Variants in HELZ2 observed in about 807,000 individuals in gnomAD.
The protein encoded by HELZ2 is 3'-5' exoribonuclease HELZ2.
Under a neutral mutation model 208.8 loss-of-function variants are expected in HELZ2, and 143 were observed. That is an observed-to-expected ratio of 0.68 (90% CI 0.60 to 0.79). The LOEUF (loss-of-function observed/expected upper bound fraction) is 0.79, where lower values mean the gene tolerates loss of function less well. HELZ2 is among the 30% of genes least tolerant of loss of function. HELZ2 has a pLI of 0.00. For missense variants in HELZ2, 3,690 were observed against 3,794.5 expected, an observed-to-expected ratio of 0.97 and a Z score of 0.72; for synonymous variants, 1,705 against 1,693.7, an observed-to-expected ratio of 1.01 and a Z score of -0.16.
At chr20:63,568,632 C>A in exon 5 of HELZ2, 1 of 1,603,002 alleles carries the variant, frequency 6.2e-7, no homozygotes, top group Non-Finnish European at 8.5e-7. Context: ...GGCAGTGTGT[C>A]CACTGCCTGG....
chr20:63,570,939 C>T, intron 1 of HELZ2, 71 bp from the exon 3 acceptor site: 1 of 1,299,334 alleles, frequency 7.7e-7, no homozygotes, highest in Non-Finnish European at 1.1e-6. Context: ...GGCCGGGACC[C>T]CTCAGCCCAA....
chr20:63,569,981 C>T (rs2083001646), intron 3 of HELZ2: 1 of 493,768 alleles, frequency 2.0e-6, no homozygotes, highest in Non-Finnish European at 3.7e-6. Context: ...CGGAGTTTCA[C>T]TCTTGTCGCC....
downstream of HELZ2, chr20:63,558,573 C>T (rs2082840015): frequency 6.6e-6 from 1 of 152,230 alleles, no homozygotes; most frequent in South Asian, 2.1e-4. Flanking sequence ...GGGTCTCGCT[C>T]TGTCACCCAG....
chr20:63,559,388 A>G lies in HELZ2; in HGVS notation c.7826-18T>C, dbSNP rs776411184. Reference sequence around the variant, plus strand: ...GTGGTCTCCTGTGAGGGTGGGAGTCAGATGGGAGTCAGTCAGGGTCAGGTG... The same window carrying G: ...GTGGTCTCCTGTGAGGGTGGGAGTCGGATGGGAGTCAGTCAGGGTCAGGTG... On this transcript the variant is annotated intron_variant, in intron 18 of 18. Coordinates refer to ENST00000467148, the Ensembl canonical transcript of HELZ2. 5.7e-6 allele frequency: 9 copies of G among 1,578,120 alleles called. No homozygotes were observed. In the South Asian group the frequency reaches 1.0e-4, roughly 18 times the overall value.
chr20:63,563,715 T>C (rs983221112), exon 8 of HELZ2: 18 of 1,593,698 alleles, frequency 1.1e-5, no homozygotes, highest in African/African-American at 5.4e-5. Context: ...AGCCCATCGA[T>C]GTCCCTGGCA....
chr20:63,560,212 C>A (rs746894509), exon 17 of HELZ2: 1 of 1,554,800 alleles, frequency 6.4e-7, no homozygotes, highest in Non-Finnish European at 8.7e-7. Context: ...CCCGGCGATG[C>A]CCTCTCGCCG....
At chr20:63,560,674 G>T in exon 16 of HELZ2, 1 of 1,609,166 alleles carries the variant, frequency 6.2e-7, no homozygotes. Context: ...ACGCCACAGA[G>T]GGGAAGGCAC....
At chr20:63,573,501 G>T, upstream of HELZ2, among the ~76,000 whole-genome samples, 1 of 152,114 alleles carries the variant, frequency 6.6e-6, no homozygotes, top group East Asian at 1.9e-4. This position sits in a 1 kb window ranked among gnomAD's most constrained non-coding sequence, Gnocchi z 4.9. Flanking sequence ...CCTAGAAGGA[G>T]CCAAGGTGAC....
Position 63,570,485 on chromosome 20 carries a change from G to A in HELZ2, c.570+19C>T, listed in dbSNP as rs768843788. On this transcript the variant is annotated intron_variant, in intron 3 of 18. Transcript: ENST00000467148. ...TCCCCAGGGCTCCCTCCGCCCAGTC[G>A]GAGCTGTTCTCCGCTCACCTCAGAG... 23 of 1,597,824 alleles carry A rather than the reference G, an allele frequency of 1.4e-5. No individual in the cohort carries two copies. Among genetic ancestry groups the A allele is most frequent in the East Asian group, 4.5e-5 (2 of 44,800 alleles).
At chr20:63,563,252 C>G (rs772328148) in exon 8 of HELZ2, 1 of 1,560,278 alleles carries the variant, frequency 6.4e-7, no homozygotes, top group East Asian at 2.4e-5. Flanking sequence ...CACCAGCTCC[C>G]GCCGCTGGGA....
chr20:63,564,387 G>A (rs773206329), exon 8 of HELZ2: 1 of 1,549,346 alleles, frequency 6.5e-7, no homozygotes, highest in South Asian at 1.2e-5. Context: ...ACGGAGTCCA[G>A]GCGGGCCGGC....
chr20:63,563,885 G>T, exon 8 of HELZ2: 1 of 1,599,238 alleles, frequency 6.3e-7, no homozygotes. Flanking sequence ...GCGGCCGAAC[G>T]CCGAGCGCTC....
rs1166789807 is a variant in HELZ2, at chr20:63,568,347, C to T, written c.1730+11G>A. Reference sequence around the variant, plus strand: ...TCAGGTGAGGTGGGGGCAGGCCAGGCTCGGGCTTACCTGTTGGTGTGTGTG... The same window carrying T: ...TCAGGTGAGGTGGGGGCAGGCCAGGTTCGGGCTTACCTGTTGGTGTGTGTG... On this transcript the variant is annotated intron_variant, in intron 5 of 18. Transcript: ENST00000467148. 2.5e-6 allele frequency: 4 copies of T among 1,604,006 alleles called. No individual in the cohort carries two copies. The highest frequency in any genetic ancestry group is 3.4e-6 in the Non-Finnish European group (4 of 1,173,566).
intron 3 of HELZ2, 120 bp downstream of exon 4, chr20:63,570,384 G>C: frequency 2.5e-6 from 2 of 804,384 alleles, no homozygotes; most frequent in Non-Finnish European, 2.1e-6. Flanking sequence ...AGGTCACGCA[G>C]GTGCTGAGCG....
chr20:63,567,414 G>A, exon 6 of HELZ2: 1 of 1,576,986 alleles, frequency 6.3e-7, no homozygotes, highest in Non-Finnish European at 8.6e-7. Context: ...GGGCCTGGGA[G>A]GTGGTGGTGA....
exon 8 of HELZ2, chr20:63,564,168 G>C: frequency 6.2e-7 from 1 of 1,611,802 alleles, no homozygotes; most frequent in African/African-American, 1.3e-5. Flanking sequence ...TGCCACCGCA[G>C]AGGCGTGACC....
exon 3 of HELZ2, chr20:63,570,556 T>C: frequency 6.2e-7 from 1 of 1,613,472 alleles, no homozygotes; most frequent in South Asian, 1.1e-5. Flanking sequence ...CTCCTGGGCC[T>C]GGTACATCAG....
At position 63,559,929 on chromosome 20, in the gene HELZ2, G is replaced by A. The variant is rs114090481; in HGVS notation, c.7824C>T (p.Ile2608=). 1.3e-3 allele frequency: 2,032 copies of A among 1,586,452 alleles called. 5 individuals carry two copies. The highest frequency in any genetic ancestry group is 1.8e-3 in the South Asian group (166 of 90,780). ...GGAAGAGCCCAGCCCCGCCCTCACC[G>A]ATCAGGCAGAGCCCCTCCTGGGCCC... The change falls in exon 18 of 19, where the codon ATC becomes ATT. Residue 2608 remains isoleucine (I), a splice_region_variant and synonymous_variant. Coordinates refer to ENST00000467148, the Ensembl canonical transcript of HELZ2.
chr20:63,560,122 T>G (rs3810478), intron 17 of HELZ2, 27 bp from the exon 19 acceptor site: 576,669 of 1,560,130 alleles, frequency 0.37, 113,347 homozygotes, highest in East Asian at 0.83. Flanking sequence ...GAGGCCCTGC[T>G]GCCGCTGCGC....
Sources: gnomAD v4.1 joint callset for allele counts (sites outside exome capture counted in the v4.1 genomes callset) on GRCh38, gnomAD v4.1.1 for gene constraint, Gnocchi (gnomAD v3.1) non-coding constraint, MANE v1.5 for transcripts, NCBI Gene and HGNC (gene_info 2026-07-23, HGNC 2026-07-21) for gene names.